AGBL4: variants seen among roughly 807,000 people sequenced by gnomAD.
The protein encoded by AGBL4 is AGBL carboxypeptidase 4.
A neutral mutation model predicts 66.4 loss-of-function variants in AGBL4; 58 were observed. The observed-to-expected ratio is 0.87, with a 90% CI of 0.71 to 1.09. AGBL4 has a LOEUF of 1.09. Ranked by LOEUF, AGBL4 falls within the 50% of genes least tolerant of loss-of-function variation. AGBL4 has a pLI of 0.00. For missense variants in AGBL4, 579 were observed against 631.0 expected (o/e 0.92, Z 0.88); for synonymous variants, 234 against 222.9 (o/e 1.05, Z -0.44).
At chr1:49,759,989 CAGG>C (rs769736036) in intron 2 of AGBL4, among the ~76,000 whole-genome samples, 3 of 152,050 alleles carry the variant, frequency 2.0e-5, no homozygotes, top group Non-Finnish European at 2.9e-5. Context: ...TTAATGAGTA[CAGG>C]AGTTTTATGG....
chr1:49,240,359 C>G (rs1651123706), intron 4 of AGBL4, among the ~76,000 whole-genome samples: 1 of 152,030 alleles, frequency 6.6e-6, no homozygotes, highest in South Asian at 2.1e-4. Flanking sequence ...CCAACTCACT[C>G]CTTCATCCAC....
intron 1 of AGBL4, among the ~76,000 whole-genome samples, chr1:49,943,573 A>G (rs1187501875): frequency 6.6e-6 from 1 of 152,156 alleles, no homozygotes; most frequent in African/African-American, 2.4e-5. Context: ...GAGCTAAGTC[A>G]ATTTAGAGAA....
At chr1:49,747,206 C>T (rs991166499) in intron 2 of AGBL4, among the ~76,000 whole-genome samples, 1 of 151,986 alleles carries the variant, frequency 6.6e-6, no homozygotes, top group East Asian at 1.9e-4. Flanking sequence ...TGCTTTATTC[C>T]TTTTCCACAA....
intron 1 of AGBL4, among the ~76,000 whole-genome samples, chr1:49,934,809 C>G (rs1388942509): frequency 7.2e-6 from 1 of 138,904 alleles, no homozygotes; most frequent in African/African-American, 2.9e-5. Flanking sequence ...AATATCTGAG[C>G]AGAAATCAGA....
chr1:49,246,050 C>A (rs150119866), intron 3 of AGBL4, among the ~76,000 whole-genome samples, 186 bp from the exon 4 acceptor site: 142 of 152,040 alleles, frequency 9.3e-4, no homozygotes, highest in African/African-American at 3.3e-3. Flanking sequence ...AGCAATTAAG[C>A]ATTAGCTCTG....
chr1:49,843,122 T>G (rs191711920), intron 2 of AGBL4, among the ~76,000 whole-genome samples: 1 of 152,158 alleles, frequency 6.6e-6, no homozygotes, highest in African/African-American at 2.4e-5. Context: ...GAGGGTCACA[T>G]TAGGGTCCCT....
intron 2 of AGBL4, among the ~76,000 whole-genome samples, chr1:49,744,922 A>G (rs563905304): frequency 6.6e-6 from 1 of 152,256 alleles, no homozygotes; most frequent in East Asian, 1.9e-4. Context: ...CAAAAATAGT[A>G]AAATAAATTT....
intron 5 of AGBL4, among the ~76,000 whole-genome samples, chr1:48,990,657 CT>C (rs1266115136): frequency 6.6e-6 from 1 of 151,752 alleles, no homozygotes; most frequent in Non-Finnish European, 1.5e-5. Flanking sequence ...GTTTTGTGGT[CT>C]TTTTTTCCTT....
At chr1:49,289,880 C>A (rs781564586) in intron 3 of AGBL4, among the ~76,000 whole-genome samples, 1 of 151,654 alleles carries the variant, frequency 6.6e-6, no homozygotes, top group Admixed American at 6.6e-5. Flanking sequence ...AGAAAGTTAA[C>A]AAAATGGAAA....
chr1:49,864,851 G>T, intron 1 of AGBL4, among the ~76,000 whole-genome samples: 1 of 152,186 alleles, frequency 6.6e-6, no homozygotes, highest in East Asian at 1.9e-4. Flanking sequence ...TGCCTAGGAT[G>T]ACTGAGCTGC....
chr1:48,776,387 G>T (rs1203265800), intron 6 of AGBL4, among the ~76,000 whole-genome samples: 2 of 152,184 alleles, frequency 1.3e-5, no homozygotes, highest in African/African-American at 2.4e-5. Context: ...CGGGAGCTTC[G>T]GGGAAGCGGG....
intron 3 of AGBL4, among the ~76,000 whole-genome samples, chr1:49,666,567 A>G (rs559012061): frequency 6.6e-6 from 1 of 151,652 alleles, no homozygotes; most frequent in East Asian, 1.9e-4. Flanking sequence ...CTCTGTCTCA[A>G]AATAAATAAA....
chr1:48,963,978 A>G (rs777952497), intron 5 of AGBL4, among the ~76,000 whole-genome samples: 7 of 152,204 alleles, frequency 4.6e-5, no homozygotes, highest in Non-Finnish European at 8.8e-5. Context: ...ATATATTTAA[A>G]TGCTGAGCAT....
chr1:48,598,434 C>A (rs1383541936), intron 9 of AGBL4, among the ~76,000 whole-genome samples: 1 of 151,968 alleles, frequency 6.6e-6, no homozygotes, highest in East Asian at 2.0e-4. Flanking sequence ...ATGGTTATAG[C>A]CTATGGCTCT....
At chr1:48,699,549 A>T (rs1463781000) in intron 6 of AGBL4, among the ~76,000 whole-genome samples, 2 of 152,186 alleles carry the variant, frequency 1.3e-5, no homozygotes, top group Non-Finnish European at 2.9e-5. Flanking sequence ...TATACATGGC[A>T]AGACAAAGGT....
intron 6 of AGBL4, among the ~76,000 whole-genome samples, chr1:48,780,764 T>C (rs1365877475): frequency 6.6e-6 from 1 of 152,178 alleles, no homozygotes; most frequent in Non-Finnish European, 1.5e-5. Context: ...TTACACCTTA[T>C]ACAAAAATTA....
chr1:49,495,415 C>T (rs1647453416), intron 3 of AGBL4, among the ~76,000 whole-genome samples: 1 of 151,842 alleles, frequency 6.6e-6, no homozygotes, highest in Non-Finnish European at 1.5e-5. Context: ...GTATGTGTGG[C>T]CCAAGACAAT....
intron 3 of AGBL4, among the ~76,000 whole-genome samples, chr1:49,274,069 T>C (rs1371188130): frequency 6.6e-6 from 1 of 152,218 alleles, no homozygotes; most frequent in African/African-American, 2.4e-5. Flanking sequence ...CTAGGTCTTT[T>C]GATTATTTGG....
chr1:48,920,086 T>C (rs749062812), intron 5 of AGBL4, among the ~76,000 whole-genome samples: 2 of 152,356 alleles, frequency 1.3e-5, no homozygotes, highest in South Asian at 2.1e-4. Flanking sequence ...TGGCTGAAGA[T>C]AGATTGGCTC....
Sources: allele counts gnomAD v4.1 joint callset (sites outside exome capture counted in the v4.1 genomes callset), GRCh38; gene constraint gnomAD v4.1.1; transcripts MANE v1.5; gene names NCBI Gene and HGNC (gene_info 2026-07-23, HGNC 2026-07-21).